Variants in FGF14 observed in about 807,000 individuals in gnomAD.
FGF14 encodes fibroblast growth factor 14, also known as fibroblast growth factor homologous factor 4.
Under a neutral mutation model 25.5 loss-of-function variants are expected in FGF14, and 5 were observed. That is an observed-to-expected ratio of 0.20 (90% confidence interval 0.10 to 0.41). The LOEUF (loss-of-function observed/expected upper bound fraction) is 0.41. Among genes scored for constraint, FGF14 ranks in the 10% least tolerant of loss-of-function variants. FGF14 has a pLI of 1.00. For synonymous variants in FGF14, 138 were observed against 118.3 expected, an observed-to-expected ratio of 1.17 and a Z score of -1.08; for missense variants, 222 against 320.1, an observed-to-expected ratio of 0.69 and a Z score of 2.34.
chr13:102,121,040 G>A (rs1185568095), intron 1 of FGF14, among the ~76,000 whole-genome samples: 2 of 152,156 alleles, frequency 1.3e-5, no homozygotes, highest in Admixed American at 6.5e-5. Flanking sequence ...GAGTACTTCC[G>A]AGCATACACA....
intron 3 of FGF14, among the ~76,000 whole-genome samples, chr13:101,749,581 T>G (rs578141325): frequency 3.3e-5 from 5 of 152,134 alleles, no homozygotes; most frequent in Admixed American, 6.6e-5. Flanking sequence ...ACAACCTCCA[T>G]GTTCAGAATC....
At position 102,244,477 on chromosome 13, in the gene FGF14, T is replaced by C. The variant is rs1165596096; in HGVS notation, c.208+156994A>G. ...GCACTTTAAATGAAAAAAAAAAAAC[T>C]TCCTTAAAATTATATTATTATCAAA... On this transcript the variant is annotated intron_variant, in intron 1 of 4. Coordinates refer to the FGF14 transcript ENST00000376131. Among the ~76,000 whole-genome samples, 3 of 151,336 alleles carry C rather than the reference T, an allele frequency of 2.0e-5. No homozygotes were observed. The East Asian group carries it at 5.8e-4, about 29-fold the overall frequency.
chr13:101,893,198 T>G (rs1225990450), intron 1 of FGF14, among the ~76,000 whole-genome samples: 1 of 152,164 alleles, frequency 6.6e-6, no homozygotes, highest in African/African-American at 2.4e-5. Flanking sequence ...AAAGCCAGTC[T>G]CTGCATCTTT....
At chr13:102,019,952 T>C (rs1365852103) in intron 1 of FGF14, among the ~76,000 whole-genome samples, 1 of 152,168 alleles carries the variant, frequency 6.6e-6, no homozygotes, top group Non-Finnish European at 1.5e-5. Context: ...AGTAATTTTA[T>C]TTTTGTCAGG....
At chr13:101,964,349 C>T (rs557507763) in intron 1 of FGF14, among the ~76,000 whole-genome samples, 2 of 152,016 alleles carry the variant, frequency 1.3e-5, no homozygotes, top group African/African-American at 2.4e-5. Context: ...CAACTGGATA[C>T]GAAATGCAAA....
At chr13:102,252,117 T>G (rs1050409349) in intron 1 of FGF14, among the ~76,000 whole-genome samples, 1 of 152,206 alleles carries the variant, frequency 6.6e-6, no homozygotes, top group Non-Finnish European at 1.5e-5. Flanking sequence ...AAAGGCATTA[T>G]GCACATTTTG....
upstream of FGF14, among the ~76,000 whole-genome samples, chr13:101,917,495 C>T (rs2033652491): frequency 6.6e-6 from 1 of 152,064 alleles, no homozygotes; most frequent in Admixed American, 6.5e-5. Flanking sequence ...TCGCTGGTTC[C>T]CGAGCCTTCC....
chr13:102,140,053 C>T (rs890072433), intron 1 of FGF14, among the ~76,000 whole-genome samples: 1 of 145,240 alleles, frequency 6.9e-6, no homozygotes. Context: ...ACCCCCCCCC[C>T]CCCTTACAGC....
At chr13:102,088,006 C>T (rs1243291397) in intron 1 of FGF14, among the ~76,000 whole-genome samples, 2 of 152,114 alleles carry the variant, frequency 1.3e-5, no homozygotes, top group African/African-American at 4.8e-5. Context: ...TTGAGAATGA[C>T]TTATGGTGGT....
At chr13:102,159,139 C>CAAAAAAAAAAAAAAA (rs1228096265) in intron 1 of FGF14, among the ~76,000 whole-genome samples, 1 of 74,130 alleles carries the variant, frequency 1.3e-5, no homozygotes. Flanking sequence ...GACTCTGTCT[C>CAAAAAAAAAAAAAAA]AAAAAAAAAA....
At chr13:101,789,552 G>A (rs2040111043) in intron 3 of FGF14, among the ~76,000 whole-genome samples, 1 of 152,104 alleles carries the variant, frequency 6.6e-6, no homozygotes, top group Non-Finnish European at 1.5e-5. Flanking sequence ...GTTGATTCAT[G>A]TAAGTTTCTA....
At chr13:101,786,598 A>G (rs2039842585) in intron 3 of FGF14, among the ~76,000 whole-genome samples, 2 of 151,750 alleles carry the variant, frequency 1.3e-5, no homozygotes, top group Non-Finnish European at 2.9e-5. Flanking sequence ...CTGTGTCCTA[A>G]TTTCCTCTTT....
chr13:102,353,474 A>G (rs548387431), intron 1 of FGF14, among the ~76,000 whole-genome samples: 1 of 152,298 alleles, frequency 6.6e-6, no homozygotes. Context: ...GCCTTCTGAA[A>G]AGCTTTACCA....
At position 101,714,450 on chromosome 13, in the gene FGF14, G is replaced by A; in HGVS notation, c.*8381C>T. On this transcript the variant is annotated 3_prime_UTR_variant, in exon 5 of 5. Coordinates refer to ENST00000376143, the MANE Select transcript of FGF14 (RefSeq NM_004115.4). ...TTTGTAATTTCAGGTTCTTGTCATTGTGGGAAGTGCATTTGTTCTGCTGAA... is the reference window on the plus strand; with the variant it reads ...TTTGTAATTTCAGGTTCTTGTCATTATGGGAAGTGCATTTGTTCTGCTGAA... 1 of 1,603,112 alleles carries A rather than the reference G, an allele frequency of 6.2e-7. No individual in the cohort carries two copies.
intron 1 of FGF14, among the ~76,000 whole-genome samples, chr13:102,338,757 T>C (rs531830149): frequency 2.0e-5 from 3 of 152,296 alleles, no homozygotes; most frequent in Admixed American, 2.0e-4. Flanking sequence ...CTTATGCCTG[T>C]AATCCCAACA....
chr13:102,027,985 G>A (rs897950565), intron 1 of FGF14, among the ~76,000 whole-genome samples: 2 of 151,930 alleles, frequency 1.3e-5, no homozygotes, highest in Non-Finnish European at 2.9e-5. Flanking sequence ...TATTGGCAGA[G>A]TGTGGCCACC....
chr13:102,384,718 T>C (rs1266146004), intron 1 of FGF14, among the ~76,000 whole-genome samples: 1 of 152,164 alleles, frequency 6.6e-6, no homozygotes, highest in Non-Finnish European at 1.5e-5. Flanking sequence ...CATGCCACAG[T>C]CTACATATTT....
At chr13:101,740,494 G>A (rs921312176) in intron 3 of FGF14, among the ~76,000 whole-genome samples, 3 of 152,146 alleles carry the variant, frequency 2.0e-5, no homozygotes, top group African/African-American at 7.2e-5. Context: ...ATGGCTGATT[G>A]GAGAAATATT....
At chr13:102,310,591 C>T (rs2055678169) in intron 1 of FGF14, among the ~76,000 whole-genome samples, 1 of 149,988 alleles carries the variant, frequency 6.7e-6, no homozygotes, top group Non-Finnish European at 1.5e-5. Context: ...CTTTCTGGGC[C>T]AGGAGATAGA....
Sources: gnomAD v4.1 joint callset for allele counts (sites outside exome capture counted in the v4.1 genomes callset) on GRCh38, gnomAD v4.1.1 for gene constraint, MANE v1.5 for transcripts, NCBI Gene and HGNC (gene_info 2026-07-23, HGNC 2026-07-21) for gene names.